Variants in YTHDC2 observed in about 807,000 individuals in gnomAD.
The protein encoded by YTHDC2 is 3'-5' RNA helicase YTHDC2.
Under a neutral mutation model 174.9 loss-of-function variants are expected in YTHDC2, and 45 were observed. The ratio of observed to expected loss-of-function variants is 0.26; its 90% CI spans 0.20 to 0.33. The LOEUF (loss-of-function observed/expected upper bound fraction) is 0.33, where lower values mean the gene tolerates loss of function less well. Among genes scored for constraint, YTHDC2 ranks in the 10% least tolerant of loss-of-function variants. The probability of loss-of-function intolerance (pLI) is 1.00; values close to 1 mark genes in which losing one functional copy is unlikely to be tolerated. For synonymous variants in YTHDC2, 657 were observed against 574.5 expected (o/e 1.14, Z -2.05); for missense variants, 1,650 against 1,723.7 (o/e 0.96, Z 0.76).
intron 22 of YTHDC2, 132 bp from the exon 23 acceptor site, chr5:113,567,522 C>T: frequency 1.3e-6 from 1 of 773,626 alleles, no homozygotes; most frequent in Non-Finnish European, 1.9e-6. Flanking sequence ...TGAGCGATGA[C>T]TTGTTTTAAT....
At chr5:113,541,756 T>A (rs1214081910) in intron 9 of YTHDC2, among the ~76,000 whole-genome samples, 1 of 152,014 alleles carries the variant, frequency 6.6e-6, no homozygotes, top group Admixed American at 6.6e-5. Flanking sequence ...TTATTTAACA[T>A]CTTTATAGAT....
At chr5:113,576,885 T>C (rs908854667) in intron 23 of YTHDC2, among the ~76,000 whole-genome samples, 3 of 152,164 alleles carry the variant, frequency 2.0e-5, no homozygotes, top group African/African-American at 7.2e-5. Context: ...AACTGAATAA[T>C]CTTTTCCTAT....
chr5:113,540,888 C>T, intron 8 of YTHDC2, 80 bp from the exon 9 acceptor site: 1 of 1,373,994 alleles, frequency 7.3e-7, no homozygotes. Flanking sequence ...ACCAGATTCC[C>T]ATAATTTATT....
chr5:113,585,503 A>G (rs1053911776), intron 26 of YTHDC2, among the ~76,000 whole-genome samples: 3 of 152,042 alleles, frequency 2.0e-5, no homozygotes, highest in Admixed American at 6.5e-5. Flanking sequence ...GTAACTTACA[A>G]TAAAATTCAC....
intron 25 of YTHDC2, chr5:113,582,379 T>A (rs1247407272): frequency 6.6e-6 from 1 of 152,218 alleles, no homozygotes; most frequent in Non-Finnish European, 1.5e-5. Flanking sequence ...TTTGTTTATT[T>A]TATGAATATT....
chr5:113,557,136 ATGAT>A, intron 17 of YTHDC2, among the ~76,000 whole-genome samples: 1 of 152,158 alleles, frequency 6.6e-6, no homozygotes, highest in Non-Finnish European at 1.5e-5. Flanking sequence ...AAAACAATGA[ATGAT>A]TGTTAACTCT....
At chr5:113,574,533 G>A (rs1421527191) in intron 23 of YTHDC2, among the ~76,000 whole-genome samples, 1 of 152,160 alleles carries the variant, frequency 6.6e-6, no homozygotes, top group Non-Finnish European at 1.5e-5. Flanking sequence ...CAGACTGCCT[G>A]TATAGCCATC....
At chr5:113,557,082 G>T (rs991667022) in intron 17 of YTHDC2, among the ~76,000 whole-genome samples, 2 of 152,142 alleles carry the variant, frequency 1.3e-5, no homozygotes, top group Admixed American at 1.3e-4. Context: ...GTTTGTGTAT[G>T]TATTTTGACA....
intron 23 of YTHDC2, among the ~76,000 whole-genome samples, chr5:113,575,477 G>C (rs1777982136): frequency 6.6e-6 from 1 of 152,152 alleles, no homozygotes; most frequent in South Asian, 2.1e-4. Flanking sequence ...ACGTTTTTCT[G>C]AGAAGACTTA....
chr5:113,517,852 T>C (rs1773571668), intron 2 of YTHDC2, among the ~76,000 whole-genome samples: 1 of 152,210 alleles, frequency 6.6e-6, no homozygotes, highest in South Asian at 2.1e-4. Flanking sequence ...ACCTGACTTA[T>C]CCATGAAATT....
chr5:113,535,540 T>G (rs968232477), intron 6 of YTHDC2, 102 bp from the exon 7 acceptor site: 1 of 1,144,100 alleles, frequency 8.7e-7, no homozygotes, highest in African/African-American at 1.6e-5. Flanking sequence ...TTGTCCACAT[T>G]TAATTTGAAT....
chr5:113,514,521 A>G (rs1009988756), intron 1 of YTHDC2, among the ~76,000 whole-genome samples: 2 of 152,196 alleles, frequency 1.3e-5, no homozygotes, highest in African/African-American at 4.8e-5. Context: ...GCATCACGCT[A>G]CCCACTTAAA....
At chr5:113,542,236 T>G in intron 9 of YTHDC2, 132 bp from the exon 10 acceptor site, 1 of 923,954 alleles carries the variant, frequency 1.1e-6, no homozygotes, top group South Asian at 1.6e-5. Context: ...AAGGAGAAAT[T>G]TTTTATGTCA....
At chr5:113,537,239 CTATT>C (rs1775143602) in intron 7 of YTHDC2, among the ~76,000 whole-genome samples, 1 of 151,980 alleles carries the variant, frequency 6.6e-6, no homozygotes, top group Non-Finnish European at 1.5e-5. Flanking sequence ...GTGTATAAGG[CTATT>C]TATTTGAATT....
chr5:113,575,782 A>C (rs1440799329), intron 23 of YTHDC2, among the ~76,000 whole-genome samples: 1 of 152,206 alleles, frequency 6.6e-6, no homozygotes, highest in Non-Finnish European at 1.5e-5. Flanking sequence ...AAGGGGATGA[A>C]TTACAGGAGT....
intron 27 of YTHDC2, 127 bp from the exon 28 acceptor site, chr5:113,591,869 G>A (rs1045017777): frequency 1.4e-6 from 1 of 716,090 alleles, no homozygotes; most frequent in African/African-American, 1.8e-5. Flanking sequence ...GTTTTTGTTA[G>A]GTATCTGTTA....
chr5:113,567,018 C>G (rs1002552826), intron 21 of YTHDC2, 74 bp from the exon 22 acceptor site: 1 of 1,467,504 alleles, frequency 6.8e-7, no homozygotes, highest in East Asian at 2.4e-5. Flanking sequence ...ATGAGTTGTA[C>G]AAGTTTTTGG....
chr5:113,562,125 A>G (rs1204213030), intron 18 of YTHDC2, among the ~76,000 whole-genome samples: 2 of 151,254 alleles, frequency 1.3e-5, no homozygotes. Flanking sequence ...AAAGAGAGGC[A>G]GGATAATGTG....
intron 17 of YTHDC2, among the ~76,000 whole-genome samples, 171 bp from the exon 18 acceptor site, chr5:113,560,909 T>A (rs1295641205): frequency 6.6e-6 from 1 of 152,210 alleles, no homozygotes; most frequent in African/African-American, 2.4e-5. Context: ...AGACCCAGAC[T>A]AGTGAAGTGC....
Sources: gnomAD v4.1 joint callset for allele counts (sites outside exome capture counted in the v4.1 genomes callset) on GRCh38, gnomAD v4.1.1 for gene constraint, MANE v1.5 for transcripts, NCBI Gene and HGNC (gene_info 2026-07-23, HGNC 2026-07-21) for gene names.